The following PCDHGA2 variants were observed in gnomAD, a reference collection of about 807,000 sequenced individuals.
PCDHGA2 encodes protocadherin gamma subfamily A, 2.
Under a neutral mutation model 59.2 loss-of-function variants are expected in PCDHGA2, and 40 were observed. The ratio of observed to expected loss-of-function variants is 0.68; its 90% CI spans 0.52 to 0.88. PCDHGA2 has a LOEUF of 0.88. Ranked by LOEUF, PCDHGA2 falls within the 40% of genes least tolerant of loss-of-function variation. The pLI is 0.00. For synonymous variants in PCDHGA2, 560 were observed against 526.0 expected (o/e 1.06, Z -0.89); for missense variants, 1,226 against 1,204.0 (o/e 1.02, Z -0.27).
intron 3 of PCDHGA2, among the ~76,000 whole-genome samples, chr5:141,510,624 A>C (rs2099881973): frequency 6.6e-6 from 1 of 152,164 alleles, no homozygotes; most frequent in African/African-American, 2.4e-5. Flanking sequence ...TAAAACCAGA[A>C]GAGGTGGTTA....
intron 3 of PCDHGA2, among the ~76,000 whole-genome samples, chr5:141,510,518 GC>G (rs2099881500): frequency 6.6e-6 from 1 of 152,112 alleles, no homozygotes; most frequent in Non-Finnish European, 1.5e-5. Context: ...CCGTGTCACA[GC>G]CCTGAGAGAA....
chr5:141,507,196 CCAGAT>C (rs2099859095), intron 3 of PCDHGA2: 1 of 152,374 alleles, frequency 6.6e-6, no homozygotes, highest in Non-Finnish European at 1.5e-5. Context: ...CTTTATTCTT[CCAGAT>C]CAGGGTTGCC....
At chr5:141,355,325 G>A in intron 1 of PCDHGA2, 1 of 1,614,010 alleles carries the variant, frequency 6.2e-7, no homozygotes, top group Non-Finnish European at 8.5e-7. Flanking sequence ...CAGGAAGAAG[G>A]CTCAGTGGTG....
At chr5:141,479,930 T>C (rs1355410974) in intron 1 of PCDHGA2, among the ~76,000 whole-genome samples, 15 of 152,218 alleles carry the variant, frequency 9.9e-5, no homozygotes, top group Non-Finnish European at 1.9e-4. Context: ...CAGTGCATCA[T>C]TGCTATCAAC....
At chr5:141,383,201 G>C in intron 1 of PCDHGA2, 3 of 1,614,000 alleles carry the variant, frequency 1.9e-6, no homozygotes, top group Non-Finnish European at 2.5e-6. Flanking sequence ...CAGAGTGCGC[G>C]GTGTCTGGTA....
At chr5:141,371,515 T>C in intron 1 of PCDHGA2, 1 of 1,613,844 alleles carries the variant, frequency 6.2e-7, no homozygotes, top group Non-Finnish European at 8.5e-7. Context: ...ACACATGATC[T>C]AGATTCTGGA....
At chr5:141,422,980 C>T in intron 1 of PCDHGA2, 1 of 1,614,232 alleles carries the variant, frequency 6.2e-7, no homozygotes, top group Middle Eastern at 1.7e-4. Flanking sequence ...CTCTGCGGAA[C>T]CTGGCTACCT....
intron 1 of PCDHGA2, among the ~76,000 whole-genome samples, chr5:141,368,152 ACC>A (rs1765509493): frequency 2.0e-5 from 3 of 152,192 alleles, no homozygotes; most frequent in Admixed American, 6.5e-5. Flanking sequence ...TACTTTTAAA[ACC>A]TTGAGCATCA....
intron 1 of PCDHGA2, chr5:141,377,860 A>G (rs1236316198): frequency 6.6e-6 from 1 of 152,192 alleles, no homozygotes; most frequent in Non-Finnish European, 1.5e-5. Context: ...ATTAAGATTT[A>G]AAAGACTTCT....
rs749912760 is a variant in PCDHGA2, at chr5:141,344,107, A to G, written c.2424+2712A>G. 11 of 1,613,998 alleles carry G rather than the reference A, an allele frequency of 6.8e-6. No individual in the cohort carries two copies. In the South Asian group the frequency reaches 1.1e-4, roughly 16 times the overall value. ...TGCGCGCTCCTGGGGACGCTGTGCG[A>G]AACAGGATCCGGTCAGATCCGCTAC... On this transcript the variant is annotated intron_variant, in intron 1 of 3. Coordinates refer to ENST00000394576, the MANE Select transcript of PCDHGA2 (RefSeq NM_018915.4).
chr5:141,423,325 G>A lies in PCDHGA2; in HGVS notation c.2425-71482G>A, dbSNP rs201044967. ...GCTGTACTTGGTGGTGGCGGTGGCCGCAGTCTCCTGCATCTTCCTGGTCTT... is the reference window on the plus strand; with the variant it reads ...GCTGTACTTGGTGGTGGCGGTGGCCACAGTCTCCTGCATCTTCCTGGTCTT... On this transcript the variant is annotated intron_variant, in intron 1 of 3. Coordinates refer to ENST00000394576, the MANE Select transcript of PCDHGA2 (RefSeq NM_018915.4). 133 of 1,614,016 alleles carry A rather than the reference G, an allele frequency of 8.2e-5. No individual in the cohort carries two copies. Among genetic ancestry groups the A allele is most frequent in the Non-Finnish European group, 4.1e-5 (48 of 1,180,008 alleles).
chr5:141,352,723 C>T, intron 1 of PCDHGA2: 3 of 1,531,564 alleles, frequency 2.0e-6, no homozygotes, highest in Non-Finnish European at 1.8e-6. Flanking sequence ...GGCGCGGTGG[C>T]TCAAGCCTGT....
intron 1 of PCDHGA2, among the ~76,000 whole-genome samples, chr5:141,373,570 G>C (rs1011552232): frequency 1.3e-5 from 2 of 152,200 alleles, no homozygotes; most frequent in Non-Finnish European, 1.5e-5. Context: ...AATGGGACTA[G>C]CATAAATGGT....
intron 1 of PCDHGA2, chr5:141,360,579 A>G (rs761569852): frequency 6.2e-7 from 1 of 1,614,014 alleles, no homozygotes; most frequent in Non-Finnish European, 8.5e-7. Flanking sequence ...CCACTAAGCC[A>G]GGTACAACAT....
At chr5:141,352,309 A>G (rs1363928868) in intron 1 of PCDHGA2, 1 of 1,613,958 alleles carries the variant, frequency 6.2e-7, no homozygotes, top group East Asian at 2.2e-5. Flanking sequence ...CCCAGACGGA[A>G]CTGCAGTTTT....
At chr5:141,349,850 G>GA (rs374639871) in intron 1 of PCDHGA2, among the ~76,000 whole-genome samples, 7 of 151,924 alleles carry the variant, frequency 4.6e-5, no homozygotes, top group Non-Finnish European at 1.0e-4. Flanking sequence ...TTTTTTAAAT[G>GA]AAAAAAGAAT....
At chr5:141,408,002 T>A in intron 1 of PCDHGA2, 1 of 908,258 alleles carries the variant, frequency 1.1e-6, no homozygotes, top group Non-Finnish European at 1.6e-6. Flanking sequence ...GGCCTGGGAT[T>A]CCCTGCGCAG....
intron 1 of PCDHGA2, chr5:141,399,433 C>T (rs1485508239): frequency 1.9e-6 from 3 of 1,613,892 alleles, no homozygotes; most frequent in Non-Finnish European, 2.5e-6. Flanking sequence ...AAGCGTCATC[C>T]TACATATCAG....
At chr5:141,404,451 C>G in intron 1 of PCDHGA2, 4 of 1,613,166 alleles carry the variant, frequency 2.5e-6, no homozygotes, top group Non-Finnish European at 3.4e-6. Flanking sequence ...CAAGGGTCTC[C>G]TCTCTCCACC....
Sources: gnomAD v4.1 joint callset for allele counts (sites outside exome capture counted in the v4.1 genomes callset) on GRCh38, gnomAD v4.1.1 for gene constraint, MANE v1.5 for transcripts, NCBI Gene and HGNC (gene_info 2026-07-23, HGNC 2026-07-21) for gene names.